The following NT5DC3 variants were observed in gnomAD, a reference collection of about 807,000 sequenced individuals.
NT5DC3 encodes 5'-nucleotidase domain containing 3.
A neutral mutation model predicts 67.8 loss-of-function variants in NT5DC3; 42 were observed. That is an observed-to-expected ratio of 0.62 (90% confidence interval 0.48 to 0.80). The LOEUF (loss-of-function observed/expected upper bound fraction) is 0.80, where lower values mean the gene tolerates loss of function less well. NT5DC3 is among the 30% of genes least tolerant of loss of function. NT5DC3 has a pLI of 0.00. For synonymous variants in NT5DC3, 237 were observed against 255.6 expected (o/e 0.93, Z 0.69); for missense variants, 570 against 696.4 (o/e 0.82, Z 2.04).
rs141451866 is a variant in NT5DC3, at chr12:103,837,125, C to T, written c.208+3824G>A. On this transcript the variant is annotated intron_variant, in intron 1 of 13. Transcript: ENST00000392876. ...ACTCGATTCTTGACTTCGGTGCACCCGTAGGCTCAACACAATGTGGAAGCT... is the reference window on the plus strand; with the variant it reads ...ACTCGATTCTTGACTTCGGTGCACCTGTAGGCTCAACACAATGTGGAAGCT... Among the ~76,000 whole-genome samples the T allele has an allele frequency of 3.2e-3, 484 of 152,350 alleles. 1 individual carries two copies. The highest frequency in any genetic ancestry group is 5.2e-3 in the Non-Finnish European group (353 of 68,034).
intron 2 of NT5DC3, among the ~76,000 whole-genome samples, chr12:103,807,685 C>G (rs1886860698): frequency 6.6e-6 from 1 of 152,234 alleles, no homozygotes; most frequent in Admixed American, 6.5e-5. Context: ...TGGTTTGGCT[C>G]TATGTCCCCA....
Position 103,806,359 on chromosome 12 carries a change from C to T in NT5DC3, c.487G>A (p.Asp163Asn). The change falls in exon 4 of 14, where the codon GAT becomes AAT. Residue 163 changes from aspartate (D) to asparagine (N), a missense_variant. Around this residue, in one of 2 missense-constraint regions of NT5DC3, gnomAD observed 466 missense variants for 608.0 expected, o/e 0.77. Coordinates refer to ENST00000392876, the MANE Select transcript of NT5DC3 (RefSeq NM_001031701.3). ...DVQRAVLMKI[D>N]AFHYIQLGTV... Reference sequence around the variant, plus strand: ...CCCAGCTGGATATAATGAAAAGCATCGATCTTCATTAATACTGCCTTTAAA... The same window carrying T: ...CCCAGCTGGATATAATGAAAAGCATTGATCTTCATTAATACTGCCTTTAAA... 6.2e-7 allele frequency: 1 copy of T among 1,602,936 alleles called. No individual in the cohort carries two copies. The highest frequency in any genetic ancestry group is 8.5e-7 in the Non-Finnish European group (1 of 1,169,974).
At chr12:103,802,902 T>C (rs1017686212) in intron 4 of NT5DC3, among the ~76,000 whole-genome samples, 6 of 152,190 alleles carry the variant, frequency 3.9e-5, no homozygotes, top group African/African-American at 1.4e-4. Context: ...GCCTTTATTC[T>C]GTAGAGAGCA....
chr12:103,764,858 G>A, the NT5DC3 span, among the ~76,000 whole-genome samples: 15 of 152,114 alleles, frequency 9.9e-5, no homozygotes, highest in Middle Eastern at 3.4e-3. Flanking sequence ...AGCACTTTCG[G>A]AGGCCAAGGC....
chr12:103,822,033 A>G (rs1341671501), intron 1 of NT5DC3: 1 of 152,258 alleles, frequency 6.6e-6, no homozygotes, highest in African/African-American at 2.4e-5. Flanking sequence ...GCTATAAAAC[A>G]AAACACCATG....
chr12:103,761,541 A>AG, the NT5DC3 span: 1 of 766,052 alleles, frequency 1.3e-6, no homozygotes, highest in South Asian at 1.8e-5. Flanking sequence ...CCAGCCTCCA[A>AG]CCTCCAAGGT....
chr12:103,801,571 C>CG (rs1886584319), intron 4 of NT5DC3, among the ~76,000 whole-genome samples: 1 of 151,702 alleles, frequency 6.6e-6, no homozygotes, highest in South Asian at 2.1e-4. Flanking sequence ...TTAGGAGAGA[C>CG]GGGGTTTCAC....
At chr12:103,813,405 A>T (rs1438515476) in intron 2 of NT5DC3, among the ~76,000 whole-genome samples, 1 of 152,248 alleles carries the variant, frequency 6.6e-6, no homozygotes, top group South Asian at 2.1e-4. Context: ...AAGTGGCCAT[A>T]ACTAAAGAAA....
chr12:103,801,201 C>T (rs1044664904), intron 4 of NT5DC3, among the ~76,000 whole-genome samples: 9 of 151,998 alleles, frequency 5.9e-5, no homozygotes, highest in Non-Finnish European at 1.3e-4. Flanking sequence ...TAGGCTGAGA[C>T]ACTTTGCTTA....
downstream of NT5DC3, among the ~76,000 whole-genome samples, chr12:103,767,393 G>A (rs1885029867): frequency 6.6e-6 from 1 of 152,182 alleles, no homozygotes; most frequent in African/African-American, 2.4e-5. Flanking sequence ...CAGAAAGTAG[G>A]TTGATTGCCA....
chr12:103,759,723 A>G, the NT5DC3 span, among the ~76,000 whole-genome samples: 1 of 151,860 alleles, frequency 6.6e-6, no homozygotes, highest in Non-Finnish European at 1.5e-5. Context: ...GATACAGGTC[A>G]TTATTTTCAT....
downstream of NT5DC3, chr12:103,770,983 C>A (rs1885168872): frequency 6.6e-6 from 1 of 152,358 alleles, no homozygotes; most frequent in Non-Finnish European, 1.5e-5. Flanking sequence ...AGGAAACAGG[C>A]CTCACCAGAC....
chr12:103,794,653 T>C (rs1226519120), intron 6 of NT5DC3, among the ~76,000 whole-genome samples: 2 of 152,252 alleles, frequency 1.3e-5, no homozygotes, highest in Non-Finnish European at 2.9e-5. Context: ...CAAAGGGAGT[T>C]ATTGCTCTTT....
intron 1 of NT5DC3, among the ~76,000 whole-genome samples, chr12:103,835,129 C>T (rs981377779): frequency 7.2e-5 from 11 of 152,190 alleles, no homozygotes; most frequent in Non-Finnish European, 1.5e-4. Context: ...AGTAACTCAG[C>T]CGCTGTTGAA....
At chr12:103,755,137 A>C in the NT5DC3 span, 1 of 881,918 alleles carries the variant, frequency 1.1e-6, no homozygotes, top group Non-Finnish European at 1.7e-6. Flanking sequence ...TCAATCAATC[A>C]GTCAACATCT....
At chr12:103,760,798 GTC>G in the NT5DC3 span, among the ~76,000 whole-genome samples, 1 of 152,208 alleles carries the variant, frequency 6.6e-6, no homozygotes, top group African/African-American at 2.4e-5. Context: ...TTAGACTAGT[GTC>G]TCTCAAAATT....
At chr12:103,805,845 CAAAAAAAAAA>C (rs34163004) in intron 4 of NT5DC3, among the ~76,000 whole-genome samples, 2 of 48,768 alleles carry the variant, frequency 4.1e-5, no homozygotes, top group African/African-American at 9.2e-5. Flanking sequence ...GACTCCACCT[CAAAAAAAAAA>C]AAAAAAAAAA....
intron 1 of NT5DC3, among the ~76,000 whole-genome samples, chr12:103,818,398 T>C (rs993757873): frequency 6.6e-6 from 1 of 151,420 alleles, no homozygotes; most frequent in Non-Finnish European, 1.5e-5. Context: ...TTTTTTTTAA[T>C]GAAGTCTCGC....
Position 103,777,620 on chromosome 12 carries a change from T to G in NT5DC3, c.*209A>C. 1 of 588,050 alleles carries G rather than the reference T, an allele frequency of 1.7e-6. No homozygotes were observed. Among genetic ancestry groups the G allele is most frequent in the Non-Finnish European group, 2.9e-6 (1 of 345,444 alleles). 36.4% of individuals were successfully genotyped at this position (588,050 alleles called of 1,614,324 possible). A position where few individuals can be genotyped will look rare whatever the true frequency, so the allele number is the denominator to read the frequency against. On this transcript the variant is annotated 3_prime_UTR_variant, in exon 14 of 14. Coordinates refer to ENST00000392876, the MANE Select transcript of NT5DC3 (RefSeq NM_001031701.3). Reference sequence around the variant, plus strand: ...TCAGAGTTCCAATGTGAAGCTTGCCTTTCAGCCCTGCATGGGGGGAAAGGC... The same window carrying G: ...TCAGAGTTCCAATGTGAAGCTTGCCGTTCAGCCCTGCATGGGGGGAAAGGC...
Sources: gnomAD v4.1 joint callset for allele counts (sites outside exome capture counted in the v4.1 genomes callset) on GRCh38, gnomAD v4.1.1 for gene constraint, gnomAD v4.1.1 regional missense constraint, MANE v1.5 for transcripts, NCBI Gene and HGNC (gene_info 2026-07-23, HGNC 2026-07-21) for gene names.